IQCE: variants seen among roughly 807,000 people sequenced by gnomAD.
IQCE encodes IQ domain-containing protein E.
A neutral mutation model predicts 96.0 loss-of-function variants in IQCE; 115 were observed. The ratio of observed to expected loss-of-function variants is 1.20; its 90% CI spans 1.03 to 1.40. The LOEUF (loss-of-function observed/expected upper bound fraction) is 1.40. Ranked by LOEUF, IQCE falls within the 40% of genes most tolerant of loss-of-function variation. IQCE has a pLI of 0.00. For missense variants in IQCE, 1,041 were observed against 909.1 expected, an observed-to-expected ratio of 1.15 and a Z score of -1.87; for synonymous variants, 412 against 371.2, an observed-to-expected ratio of 1.11 and a Z score of -1.26.
At chr7:2,573,020 A>G (rs979951345) in intron 5 of IQCE, among the ~76,000 whole-genome samples, 31 of 152,358 alleles carry the variant, frequency 2.0e-4, no homozygotes, top group African/African-American at 6.5e-4. Flanking sequence ...CATTAAAACC[A>G]AAGTAAGCCT....
chr7:2,606,441 G>T (rs114713833), intron 20 of IQCE, among the ~76,000 whole-genome samples: 91 of 152,280 alleles, frequency 6.0e-4, no homozygotes, highest in African/African-American at 2.0e-3. Flanking sequence ...AGGCCTCTTG[G>T]TGGGTTTGCT....
rs376308017 is a variant in IQCE at position 2,601,400 on chromosome 7, G to A, written c.1609-41G>A. 13 of 1,326,558 alleles carry A rather than the reference G, an allele frequency of 9.8e-6. No individual in the cohort carries two copies. The East Asian group carries it at 1.4e-4, about 14-fold the overall frequency. 82.2% of individuals were successfully genotyped at this position (1,326,558 alleles called of 1,614,324 possible). On this transcript the variant is annotated intron_variant, in intron 17 of 21. Coordinates refer to ENST00000402050, the MANE Select transcript of IQCE (RefSeq NM_152558.5). Reference sequence around the variant, plus strand: ...AATCAAAACCACATTCATCCTTCTCGTGTTAATTCATGTATTTTTTCTTTC... The same window carrying A: ...AATCAAAACCACATTCATCCTTCTCATGTTAATTCATGTATTTTTTCTTTC...
chr7:2,583,077 G>A (rs187124815), intron 9 of IQCE, among the ~76,000 whole-genome samples: 230 of 152,240 alleles, frequency 1.5e-3, no homozygotes, highest in Non-Finnish European at 2.8e-3. Context: ...TCTCCTGTTC[G>A]TACAATAGTT....
intron 21 of IQCE, among the ~76,000 whole-genome samples, chr7:2,608,668 C>A (rs1784983284): frequency 6.6e-6 from 1 of 152,214 alleles, no homozygotes; most frequent in Non-Finnish European, 1.5e-5. Flanking sequence ...CAGACCCTGC[C>A]TTTGGTGACC....
At chr7:2,592,897 C>A in intron 14 of IQCE, 125 bp from the exon 15 acceptor site, 1 of 1,053,946 alleles carries the variant, frequency 9.5e-7, no homozygotes, top group Non-Finnish European at 1.4e-6. Context: ...TTTTGTGCTC[C>A]TCCTGCCCCA....
intron 14 of IQCE, among the ~76,000 whole-genome samples, chr7:2,592,628 C>T (rs555217240): frequency 1.4e-4 from 21 of 152,350 alleles, no homozygotes; most frequent in South Asian, 1.0e-3. Flanking sequence ...GCTGGAGCCC[C>T]GCACAGGCAG....
At chr7:2,582,513 A>AG in intron 8 of IQCE, 67 bp from the exon 9 acceptor site, 1 of 1,344,026 alleles carries the variant, frequency 7.4e-7, no homozygotes, top group Non-Finnish European at 1.1e-6. Context: ...CTCTGGCAGG[A>AG]GGGGACAGCC....
rs1369678165 is a variant in IQCE at position 2,580,642 on chromosome 7, C to T, written c.631-1938C>T. 2.6e-5 allele frequency among the ~76,000 whole-genome samples: 4 copies of T among 151,886 alleles called. No homozygotes were observed. The East Asian group carries it at 5.8e-4, about 22-fold the overall frequency. On this transcript the variant is annotated intron_variant, in intron 8 of 21. Transcript: ENST00000402050. ...AAAAAAAAGTGTCTATCAATAGAGGCTGGATAGAGATACTGTGGGAAATAG... is the reference window on the plus strand; with the variant it reads ...AAAAAAAAGTGTCTATCAATAGAGGTTGGATAGAGATACTGTGGGAAATAG...
At chr7:2,596,669 T>C (rs1350899777) in intron 16 of IQCE, among the ~76,000 whole-genome samples, 3 of 152,218 alleles carry the variant, frequency 2.0e-5, no homozygotes, top group Non-Finnish European at 2.9e-5. Context: ...TTAGACTTTT[T>C]TAGCTGTCTG....
intron 13 of IQCE, among the ~76,000 whole-genome samples, chr7:2,589,226 G>C (rs1408377726): frequency 1.3e-5 from 2 of 151,978 alleles, no homozygotes; most frequent in Non-Finnish European, 2.9e-5. Context: ...CAATTAGCCT[G>C]GTGTGGTGGT....
intron 2 of IQCE, among the ~76,000 whole-genome samples, chr7:2,567,653 G>T (rs1463894760): frequency 6.6e-6 from 1 of 152,276 alleles, no homozygotes; most frequent in East Asian, 1.9e-4. Context: ...TGTTTGGCAA[G>T]CTGTGCTGGG....
intron 18 of IQCE, among the ~76,000 whole-genome samples, chr7:2,604,235 AC>A: frequency 6.6e-6 from 1 of 152,004 alleles, no homozygotes; most frequent in East Asian, 1.9e-4. Flanking sequence ...GGATCTTCCC[AC>A]CCCAGCCTCC....
chr7:2,567,444 C>T (rs1225230300), intron 2 of IQCE, among the ~76,000 whole-genome samples: 7 of 152,236 alleles, frequency 4.6e-5, no homozygotes, highest in Non-Finnish European at 8.8e-5. Flanking sequence ...CTGCACCCCA[C>T]GCCCTCATCC....
chr7:2,577,191 G>A (rs1203702743), intron 6 of IQCE, among the ~76,000 whole-genome samples: 2 of 152,224 alleles, frequency 1.3e-5, no homozygotes, highest in Non-Finnish European at 2.9e-5. Context: ...CCCTGGGCCT[G>A]TGCGCGGTGT....
At chr7:2,585,189 C>T (rs1483026861) in intron 11 of IQCE, among the ~76,000 whole-genome samples, 1 of 151,736 alleles carries the variant, frequency 6.6e-6, no homozygotes, top group East Asian at 1.9e-4. Context: ...AGGCACATGC[C>T]ACCACACCCA....
intron 17 of IQCE, 45 bp from the exon 18 acceptor site, chr7:2,601,393 CCTT>C (rs755377966): frequency 6.6e-5 from 83 of 1,264,242 alleles, no homozygotes; most frequent in Non-Finnish European, 8.9e-5. Flanking sequence ...CCACATTCAT[CCTT>C]CTCGTGTTAA....
At chr7:2,577,133 C>G (rs1304232725) in intron 6 of IQCE, among the ~76,000 whole-genome samples, 1 of 152,226 alleles carries the variant, frequency 6.6e-6, no homozygotes, top group East Asian at 1.9e-4. Flanking sequence ...ACACACAGAG[C>G]CCTGAGTGGG....
chr7:2,591,370 C>T (rs922534338), intron 14 of IQCE, among the ~76,000 whole-genome samples: 21 of 152,290 alleles, frequency 1.4e-4, no homozygotes, highest in African/African-American at 4.8e-4. Context: ...GTGGAACACC[C>T]GGCCTGGCTC....
At chr7:2,600,515 A>G (rs1784362650) in intron 17 of IQCE, among the ~76,000 whole-genome samples, 1 of 152,188 alleles carries the variant, frequency 6.6e-6, no homozygotes, top group Admixed American at 6.5e-5. Flanking sequence ...CTCCGTCTGA[A>G]AAGCAGTTTC....
Sources: allele counts gnomAD v4.1 joint callset (sites outside exome capture counted in the v4.1 genomes callset), GRCh38; gene constraint gnomAD v4.1.1; transcripts MANE v1.5; gene names NCBI Gene and HGNC (gene_info 2026-07-23, HGNC 2026-07-21).